TFF2: variants seen among roughly 807,000 people sequenced by gnomAD.
TFF2 encodes the protein trefoil factor 2, also known as spasmolysin.
In TFF2, 19 loss-of-function variants were observed where a neutral mutation model predicts 16.0. That is an observed-to-expected ratio of 1.19 (90% CI 0.83 to 1.74). The LOEUF (loss-of-function observed/expected upper bound fraction) is 1.74, where lower values mean the gene tolerates loss of function less well. Among genes scored for constraint, TFF2 ranks in the 40% most tolerant of loss-of-function variants. The probability of loss-of-function intolerance (pLI) is 0.00; values close to 1 mark genes in which losing one functional copy is unlikely to be tolerated. For synonymous variants in TFF2, 61 were observed against 65.4 expected (o/e 0.93, Z 0.32); for missense variants, 168 against 166.8 (o/e 1.01, Z -0.04).
rs2146392822 is a variant in TFF2 at position 42,347,530 on chromosome 21, A to T, written c.332T>A (p.Phe111Tyr). 6.2e-7 allele frequency: 1 copy of T among 1,614,170 alleles called. No individual in the cohort carries two copies. Among genetic ancestry groups the T allele is most frequent in the Non-Finnish European group, 8.5e-7 (1 of 1,180,018 alleles). The change falls in exon 3 of 4, where the codon TTC becomes TAC. Residue 111 changes from phenylalanine (F) to tyrosine (Y), a missense_variant. Transcript: ENST00000291526. Reference protein sequence around the residue: ...CASRKCCFSNFIFEVPWCFFP... With the variant: ...CASRKCCFSNYIFEVPWCFFP... ...GAAGCACCAGGGCACTTCAAAGATG[A>T]AGTTGGAGAAGCAGCACTTCCGAGA...
rs548353531 is a variant in TFF2 at position 42,349,714 on chromosome 21, C to G, written c.229+167G>C. 1.5e-3 allele frequency among the ~76,000 whole-genome samples: 231 copies of G among 152,384 alleles called. 1 individual carries two copies. The highest frequency in any genetic ancestry group is 5.2e-3 in the African/African-American group (216 of 41,590). On this transcript the variant is annotated intron_variant, in intron 2 of 3. Coordinates refer to ENST00000291526, the MANE Select transcript of TFF2 (RefSeq NM_005423.5). ...CTGGGCTAGCTCTAGACTAACCAAC[C>G]TGGGCTAGCCCCAGACTAACCAACC... is the stretch of plus-strand genomic sequence containing the variant.
chr21:42,350,845 G>T, intron 1 of TFF2, 34 bp downstream of exon 1: 1 of 1,555,248 alleles, frequency 6.4e-7, no homozygotes, highest in Admixed American at 2.0e-5. Context: ...GAGAAATAAA[G>T]AAAGCACATA....
intron 2 of TFF2, among the ~76,000 whole-genome samples, chr21:42,348,752 C>G (rs908028262): frequency 9.9e-5 from 15 of 151,694 alleles, no homozygotes; most frequent in Non-Finnish European, 1.9e-4. Flanking sequence ...CCAGACTAAC[C>G]AACCTAACCA....
At chr21:42,350,253 A>G (rs1469082413) in intron 1 of TFF2, 2 of 1,127,226 alleles carry the variant, frequency 1.8e-6, no homozygotes, top group African/African-American at 1.6e-5. Context: ...AAAGCCAGGC[A>G]TGGTGGCTCA....
rs776179188 is a variant in TFF2, at chr21:42,350,960, C to G, written c.-3G>C. 1.9e-6 allele frequency: 3 copies of G among 1,613,640 alleles called. No homozygotes were observed. Among genetic ancestry groups the G allele is most frequent in the Admixed American group, 3.3e-5 (2 of 59,916 alleles). ...AGCTGGGCGTCTCGCCGTCCCATGTCTAGCTCAGCTGCACCCCAGGGTGGC... is the reference window on the plus strand; with the variant it reads ...AGCTGGGCGTCTCGCCGTCCCATGTGTAGCTCAGCTGCACCCCAGGGTGGC... On this transcript the variant is annotated 5_prime_UTR_variant, in exon 1 of 4. Transcript: ENST00000291526.
intron 3 of TFF2, among the ~76,000 whole-genome samples, chr21:42,346,977 G>T (rs1284586727): frequency 6.6e-6 from 1 of 152,206 alleles, no homozygotes; most frequent in Non-Finnish European, 1.5e-5. Context: ...AAGCGGGTGG[G>T]AGAAGTGGAC....
At chr21:42,350,221 AG>A in intron 1 of TFF2, 191 bp from the exon 2 acceptor site, 1 of 1,204,846 alleles carries the variant, frequency 8.3e-7, no homozygotes, top group Non-Finnish European at 1.0e-6. Context: ...TTGTTATATT[AG>A]TTTAAAAGGA....
chr21:42,350,859 AG>A lies in TFF2; in HGVS notation c.79+19del. 6.3e-7 allele frequency: 1 copy of A among 1,591,306 alleles called. No individual in the cohort carries two copies. Among genetic ancestry groups the A allele is most frequent in the Non-Finnish European group, 8.5e-7 (1 of 1,172,828 alleles). On this transcript the variant is annotated intron_variant, in intron 1 of 3. Transcript: ENST00000291526. ...AGAGAAATAAAGAAAGCACATAAAA[AG>A]ACCCTCTCCTTCACTTACAGGGTTT...
chr21:42,347,628 C>A lies in TFF2; in HGVS notation c.234G>T (p.Ser78=). Residue 78 remains serine (S), a synonymous_variant, in exon 3 of 4, where the codon TCG becomes TCT. Coordinates refer to ENST00000291526, the MANE Select transcript of TFF2 (RefSeq NM_005423.5). The stretch of plus-strand genomic sequence containing the variant: ...CTGAGACCTCCATGACGCACTGATC[C>A]GACTCTGCCATGGGACAGGCACAGC... ...WCFHPLPKQE[S]DQCVMEVSDR... The A allele has an allele frequency of 6.2e-7, 1 of 1,614,014 alleles. No homozygotes were observed.
rs1383504450 is a variant in TFF2, at chr21:42,350,021, T to C, written c.89A>G (p.Gln30Arg). 2 of 1,598,602 alleles carry C rather than the reference T, an allele frequency of 1.3e-6. No homozygotes were observed. The highest frequency in any genetic ancestry group is 2.3e-5 in the East Asian group (1 of 44,424). ...LAGSEKPSPCQCSRLSPHNRT... is the reference protein window; with the variant it reads ...LAGSEKPSPCRCSRLSPHNRT... ...GTTATGGGGGCTCAGCCTGGAGCAC[T>C]GGCAGGGGGCTGTGGAAAGACCCTC... Residue 30 changes from glutamine to arginine, a missense_variant, in exon 2 of 4, where the codon CAG (glutamine) becomes CGG (arginine). By Grantham distance (43) the Gln-to-Arg change is conservative. Transcript: ENST00000291526.
chr21:42,348,740 T>C (rs952202776), intron 2 of TFF2, among the ~76,000 whole-genome samples: 1 of 146,964 alleles, frequency 6.8e-6, no homozygotes, highest in African/African-American at 2.6e-5. Context: ...TCCAGACTAG[T>C]CCCAGACTAA....
Position 42,350,039 on chromosome 21 carries a change from A to T in TFF2, c.80-9T>A, listed in dbSNP as rs1336020375. On this transcript the variant is annotated splice_polypyrimidine_tract_variant and intron_variant, in intron 1 of 3. Transcript: ENST00000291526. The stretch of plus-strand genomic sequence containing the variant: ...GGAGCACTGGCAGGGGGCTGTGGAA[A>T]GACCCTCAGTCGGCCCCACCCTGGT... 6.3e-7 allele frequency: 1 copy of T among 1,593,810 alleles called. No homozygotes were observed. The highest frequency in any genetic ancestry group is 1.1e-5 in the South Asian group (1 of 87,804).
rs368840932 is a variant in TFF2 at position 42,347,472 on chromosome 21, C to T, written c.376+14G>A. The T allele has an allele frequency of 1.2e-6, 2 of 1,613,902 alleles. No individual in the cohort carries two copies. The highest frequency in any genetic ancestry group is 1.7e-6 in the Non-Finnish European group (2 of 1,179,944). Reference sequence around the variant, plus strand: ...TGTCCGGGAACCAGACAGAGAGTCCCACAGCGACGTTACCTTCCACAGACT... The same window carrying T: ...TGTCCGGGAACCAGACAGAGAGTCCTACAGCGACGTTACCTTCCACAGACT... On this transcript the variant is annotated intron_variant, in intron 3 of 3. Transcript: ENST00000291526.
rs202209935 is a variant in TFF2 at position 42,350,964 on chromosome 21, C to T, written c.-7G>A. Reference sequence around the variant, plus strand: ...GGGCGTCTCGCCGTCCCATGTCTAGCTCAGCTGCACCCCAGGGTGGCTTGC... The same window carrying T: ...GGGCGTCTCGCCGTCCCATGTCTAGTTCAGCTGCACCCCAGGGTGGCTTGC... On this transcript the variant is annotated 5_prime_UTR_variant, in exon 1 of 4. Coordinates refer to ENST00000291526, the MANE Select transcript of TFF2 (RefSeq NM_005423.5). The T allele has an allele frequency of 2.9e-4, 476 of 1,613,636 alleles. 1 individual carries two copies. The African/African-American group carries it at 4.9e-3, about 17-fold the overall frequency.
chr21:42,350,785 CAT>C, intron 1 of TFF2, 92 bp downstream of exon 1: 3 of 1,326,110 alleles, frequency 2.3e-6, no homozygotes, highest in Non-Finnish European at 3.1e-6. Flanking sequence ...CCTTTATAGC[CAT>C]TCCCCCTCTC....
At position 42,346,471 on chromosome 21, in the gene TFF2, A is replaced by G; in HGVS notation, c.*62T>C. On this transcript the variant is annotated 3_prime_UTR_variant, in exon 4 of 4. Coordinates refer to ENST00000291526, the MANE Select transcript of TFF2 (RefSeq NM_005423.5). ...ATGAAGTATGAAGCTGATAAGGCGA[A>G]GTTTCTTCTTTGGTTTCGGAACACC... 1 of 1,599,198 alleles carries G rather than the reference A, an allele frequency of 6.3e-7. No homozygotes were observed. The highest frequency in any genetic ancestry group is 2.2e-5 in the East Asian group (1 of 44,774).
At chr21:42,350,231 GAAAA>G in intron 1 of TFF2, 11 of 965,050 alleles carry the variant, frequency 1.1e-5, no homozygotes, top group South Asian at 8.6e-5. Flanking sequence ...AGTTTAAAAG[GAAAA>G]AAAAAAAAAA....
intron 1 of TFF2, among the ~76,000 whole-genome samples, 182 bp downstream of exon 1, chr21:42,350,697 C>T (rs928006162): frequency 1.3e-5 from 2 of 152,314 alleles, no homozygotes; most frequent in African/African-American, 2.4e-5. Flanking sequence ...TCAGCCTTTC[C>T]CTAGGAGGGA....
At chr21:42,347,427 G>T in intron 3 of TFF2, 59 bp downstream of exon 3, 2 of 1,607,946 alleles carry the variant, frequency 1.2e-6, no homozygotes, top group South Asian at 2.2e-5. Flanking sequence ...CCACCTCTAC[G>T]GACGGAGGAG....
Sources: allele counts gnomAD v4.1 joint callset (sites outside exome capture counted in the v4.1 genomes callset), GRCh38; gene constraint gnomAD v4.1.1; transcripts MANE v1.5; gene names NCBI Gene and HGNC (gene_info 2026-07-23, HGNC 2026-07-21).